Variants in ASTN2 observed in about 807,000 individuals in gnomAD.
ASTN2 encodes the protein astrotactin 2, also known as astrotactin-2.
A neutral mutation model predicts 139.8 loss-of-function variants in ASTN2; 54 were observed. The ratio of observed to expected loss-of-function variants is 0.39; its 90% CI spans 0.31 to 0.48. The LOEUF (loss-of-function observed/expected upper bound fraction) is 0.48, where lower values mean the gene tolerates loss of function less well. ASTN2 is among the 20% of genes least tolerant of loss of function. The pLI is 0.95. For synonymous variants in ASTN2, 756 were observed against 719.5 expected (o/e 1.05, Z -0.81); for missense variants, 1,565 against 1,725.1 (o/e 0.91, Z 1.64).
At chr9:117,071,805 C>G (rs1444897224) in intron 5 of ASTN2, among the ~76,000 whole-genome samples, 3 of 151,994 alleles carry the variant, frequency 2.0e-5, no homozygotes, top group African/African-American at 4.8e-5. Flanking sequence ...TTCTTTGACT[C>G]GGAAAGGGAA....
intron 5 of ASTN2, among the ~76,000 whole-genome samples, chr9:117,063,535 C>T (rs1839356978): frequency 6.6e-6 from 1 of 152,184 alleles, no homozygotes; most frequent in Admixed American, 6.5e-5. Flanking sequence ...ACTGTGAGGC[C>T]TCCCCAGCCA....
chr9:116,575,790 T>C (rs1853700637), intron 19 of ASTN2, among the ~76,000 whole-genome samples: 1 of 152,130 alleles, frequency 6.6e-6, no homozygotes, highest in African/African-American at 2.4e-5. Flanking sequence ...GACTGTACAC[T>C]AAAGCTAGGC....
At chr9:117,202,167 C>T (rs1240419892) in intron 3 of ASTN2, among the ~76,000 whole-genome samples, 1 of 152,060 alleles carries the variant, frequency 6.6e-6, no homozygotes, top group Non-Finnish European at 1.5e-5. Context: ...GCAATCCCTG[C>T]CTTTTTTTGT....
intron 2 of ASTN2, among the ~76,000 whole-genome samples, chr9:117,235,421 G>T (rs1423884999): frequency 1.3e-5 from 2 of 152,110 alleles, no homozygotes; most frequent in Admixed American, 1.3e-4. Context: ...TAAACAATTT[G>T]CTCCGGGTCA....
At chr9:117,160,581 A>T (rs1830527340) in intron 3 of ASTN2, among the ~76,000 whole-genome samples, 1 of 152,018 alleles carries the variant, frequency 6.6e-6, no homozygotes, top group African/African-American at 2.4e-5. Context: ...CATATTATAT[A>T]TTTATTTTTA....
At chr9:116,695,809 T>A (rs1180960927) in intron 16 of ASTN2, among the ~76,000 whole-genome samples, 3 of 152,174 alleles carry the variant, frequency 2.0e-5, no homozygotes, top group African/African-American at 7.2e-5. Context: ...TATATGTATA[T>A]CAAGAGGGTT....
intron 20 of ASTN2, among the ~76,000 whole-genome samples, chr9:116,475,181 C>T (rs1303571562): frequency 6.6e-6 from 1 of 152,170 alleles, no homozygotes; most frequent in Non-Finnish European, 1.5e-5. Context: ...TTCACATAAA[C>T]ATCTAGATTT....
intron 19 of ASTN2, among the ~76,000 whole-genome samples, chr9:116,562,737 A>AAAG (rs1262320127): frequency 7.0e-6 from 1 of 143,358 alleles, no homozygotes; most frequent in African/African-American, 2.7e-5. Context: ...CCTCATTAAA[A>AAAG]AAAAAAAAAA....
chr9:116,493,876 C>T (rs1390504355), intron 19 of ASTN2, among the ~76,000 whole-genome samples: 2 of 152,090 alleles, frequency 1.3e-5, no homozygotes, highest in East Asian at 1.9e-4. Flanking sequence ...ACACTCTTTT[C>T]GGGAAACACC....
At chr9:117,412,547 C>T (rs552186483) in intron 1 of ASTN2, among the ~76,000 whole-genome samples, 1 of 152,194 alleles carries the variant, frequency 6.6e-6, no homozygotes, top group Non-Finnish European at 1.5e-5. Flanking sequence ...TTCCAGGAAT[C>T]CCGGGGCACC....
intron 4 of ASTN2, among the ~76,000 whole-genome samples, chr9:117,096,906 G>T (rs1472769254): frequency 1.3e-5 from 2 of 152,218 alleles, no homozygotes; most frequent in Non-Finnish European, 1.5e-5. Context: ...CATGTGGGCA[G>T]TCAGGGGCAA....
chr9:117,272,031 C>T (rs1245697335), intron 2 of ASTN2, among the ~76,000 whole-genome samples: 1 of 152,190 alleles, frequency 6.6e-6, no homozygotes, highest in Non-Finnish European at 1.5e-5. Flanking sequence ...GGGCTCCAAC[C>T]CCACGTTTCT....
intron 16 of ASTN2, among the ~76,000 whole-genome samples, chr9:116,694,209 A>G (rs1860717224): frequency 6.6e-6 from 1 of 152,106 alleles, no homozygotes; most frequent in Non-Finnish European, 1.5e-5. Flanking sequence ...CAATTGAAGG[A>G]GGGATATGAT....
intron 13 of ASTN2, among the ~76,000 whole-genome samples, chr9:116,761,659 G>A (rs912674094): frequency 2.0e-5 from 3 of 152,174 alleles, no homozygotes; most frequent in Non-Finnish European, 4.4e-5. Context: ...TAGCAGGTAA[G>A]ACAAGGGGTG....
intron 19 of ASTN2, among the ~76,000 whole-genome samples, chr9:116,607,737 G>A (rs949196381): frequency 9.4e-5 from 14 of 149,194 alleles, no homozygotes; most frequent in Non-Finnish European, 1.9e-4. Context: ...TGAAGCAGGC[G>A]GGTCACGAGG....
chr9:116,662,425 T>C (rs1588156875), intron 16 of ASTN2, among the ~76,000 whole-genome samples: 1 of 151,896 alleles, frequency 6.6e-6, no homozygotes, highest in East Asian at 1.9e-4. Context: ...ATACAAAAGT[T>C]AGCTGGGTGT....
intron 1 of ASTN2, among the ~76,000 whole-genome samples, chr9:117,309,510 T>G (rs531462690): frequency 6.6e-6 from 1 of 152,328 alleles, no homozygotes; most frequent in East Asian, 1.9e-4. Context: ...CTCTTCACCC[T>G]GATATTGCTG....
intron 5 of ASTN2, among the ~76,000 whole-genome samples, chr9:117,057,069 CA>C (rs1235452906): frequency 6.6e-6 from 1 of 152,134 alleles, no homozygotes; most frequent in East Asian, 1.9e-4. Context: ...TTTGTTGGAA[CA>C]GTTACTTAAT....
chr9:116,786,439 T>G (rs377737647), intron 13 of ASTN2, among the ~76,000 whole-genome samples: 1 of 152,196 alleles, frequency 6.6e-6, no homozygotes, highest in Non-Finnish European at 1.5e-5. Flanking sequence ...ATAGAATAAG[T>G]GCTCAAAAAA....
Sources: allele counts gnomAD v4.1 joint callset (sites outside exome capture counted in the v4.1 genomes callset), GRCh38; gene constraint gnomAD v4.1.1; transcripts MANE v1.5; gene names NCBI Gene and HGNC (gene_info 2026-07-23, HGNC 2026-07-21).